HEATR5A: variants seen among roughly 807,000 people sequenced by gnomAD.
The protein encoded by HEATR5A is HEAT repeat-containing protein 5A.
Under a neutral mutation model 218.8 loss-of-function variants are expected in HEATR5A, and 178 were observed. That is an observed-to-expected ratio of 0.81 (90% CI 0.72 to 0.92). The LOEUF is 0.92. Ranked by LOEUF, HEATR5A falls within the 40% of genes least tolerant of loss-of-function variation. The probability of loss-of-function intolerance (pLI) is 0.00; values close to 1 mark genes in which losing one functional copy is unlikely to be tolerated. For missense variants in HEATR5A, 2,420 were observed against 2,418.9 expected, an observed-to-expected ratio of 1.00 and a Z score of -0.01; for synonymous variants, 864 against 871.6, an observed-to-expected ratio of 0.99 and a Z score of 0.15.
At chr14:31,327,505 G>A (rs898600923) in intron 22 of HEATR5A, among the ~76,000 whole-genome samples, 1 of 151,390 alleles carries the variant, frequency 6.6e-6, no homozygotes, top group African/African-American at 2.4e-5. Context: ...TGGCCAGGCT[G>A]GTCCCGAACT....
intron 22 of HEATR5A, among the ~76,000 whole-genome samples, chr14:31,329,455 G>GC (rs891005707): frequency 2.6e-5 from 4 of 152,162 alleles, no homozygotes; most frequent in African/African-American, 9.7e-5. Flanking sequence ...CAGTCCCCAC[G>GC]CAAGTCCAAA....
intron 35 of HEATR5A, 93 bp downstream of exon 35, chr14:31,293,796 TAC>T: frequency 1.8e-6 from 2 of 1,114,562 alleles, no homozygotes; most frequent in East Asian, 2.6e-5. Flanking sequence ...GAATGTGAAA[TAC>T]AGATATAATG....
intron 5 of HEATR5A, among the ~76,000 whole-genome samples, chr14:31,394,433 G>A (rs2030570306): frequency 2.0e-5 from 3 of 151,924 alleles, no homozygotes; most frequent in African/African-American, 7.3e-5. Flanking sequence ...AAGGTGGGAG[G>A]AGAACCCATT....
chr14:31,351,275 T>G (rs1233686529), intron 16 of HEATR5A, among the ~76,000 whole-genome samples: 4 of 152,154 alleles, frequency 2.6e-5, no homozygotes, highest in African/African-American at 7.2e-5. Flanking sequence ...GAAGACTGCT[T>G]GAAGCTAGGA....
At chr14:31,355,019 T>C (rs977233129) in intron 16 of HEATR5A, among the ~76,000 whole-genome samples, 2 of 152,150 alleles carry the variant, frequency 1.3e-5, no homozygotes, top group African/African-American at 4.8e-5. Context: ...ATCTTAAAAA[T>C]TTGCCTGGAT....
chr14:31,343,839 A>G, intron 21 of HEATR5A, 57 bp downstream of exon 21: 1 of 1,366,576 alleles, frequency 7.3e-7, no homozygotes, highest in African/African-American at 1.5e-5. Context: ...GTGTACTGGA[A>G]TAAATCTAAG....
chr14:31,323,777 G>T lies in HEATR5A; in HGVS notation c.3575C>A (p.Thr1192Lys). 1 of 1,596,832 alleles carries T rather than the reference G, an allele frequency of 6.3e-7. No individual in the cohort carries two copies. Among genetic ancestry groups the T allele is most frequent in the South Asian group, 1.1e-5 (1 of 90,686 alleles). ...TTTATCTCCTTCTTCTTCTTGCATT[G>T]TATCCACACAAGTTACAGCTGTAAA... Reference protein sequence around the residue: ...ADFTAVTCVDTMQEEEGDKGD... With the variant: ...ADFTAVTCVDKMQEEEGDKGD... The change falls in exon 24 of 36, where the codon ACA (threonine) becomes AAA (lysine). Residue 1192 changes from threonine (T) to lysine (K), a missense_variant. By Grantham distance (78) the Thr-to-Lys change is moderately conservative. Transcript: ENST00000543095.
At chr14:31,324,240 G>T (rs1900194290) in intron 23 of HEATR5A, among the ~76,000 whole-genome samples, 1 of 152,124 alleles carries the variant, frequency 6.6e-6, no homozygotes, top group Non-Finnish European at 1.5e-5. Context: ...ATTTCAGGAG[G>T]TTCCTGAATC....
chr14:31,378,469 C>T (rs954026051), intron 11 of HEATR5A, among the ~76,000 whole-genome samples: 1 of 152,118 alleles, frequency 6.6e-6, no homozygotes, highest in Non-Finnish European at 1.5e-5. Flanking sequence ...TTGATCTAGT[C>T]CAATAAATCT....
chr14:31,411,971 T>C (rs2031290014), intron 1 of HEATR5A, among the ~76,000 whole-genome samples: 1 of 152,102 alleles, frequency 6.6e-6, no homozygotes, highest in African/African-American at 2.4e-5. Context: ...TTCTCGTATC[T>C]CAGCCTCCCA....
Position 31,358,744 on chromosome 14 carries a change from A to G in HEATR5A, c.2304T>C (p.Asp768=), listed in dbSNP as rs1299265123. ...EYDPYSIYEK[D]VEGDSVPKPL... ...GCTTAGGCACTGAATCTCCCTCTAC[A>G]TCTTTCTCATAAATCGAATAAGGGT... is the stretch of plus-strand genomic sequence containing the variant. Residue 768 remains aspartate (D), a synonymous_variant, in exon 16 of 36, where the codon GAT becomes GAC. Coordinates refer to ENST00000543095, the MANE Select transcript of HEATR5A (RefSeq NM_015473.4). The G allele has an allele frequency of 6.8e-6, 11 of 1,613,838 alleles. No individual in the cohort carries two copies. The highest frequency in any genetic ancestry group is 9.3e-6 in the Non-Finnish European group (11 of 1,179,870).
chr14:31,377,269 A>G (rs1034775032), intron 11 of HEATR5A, among the ~76,000 whole-genome samples: 1 of 152,164 alleles, frequency 6.6e-6, no homozygotes, highest in African/African-American at 2.4e-5. Flanking sequence ...ATCAAAGAAT[A>G]CTAGGTTCAC....
intron 26 of HEATR5A, among the ~76,000 whole-genome samples, chr14:31,316,326 A>T (rs1595089535): frequency 2.7e-5 from 2 of 73,088 alleles, no homozygotes; most frequent in East Asian, 2.1e-4. Context: ...CCCATCTCTT[A>T]AAAAAAAAAA....
In HEATR5A at chr14:31,380,578, T is replaced by C; in HGVS notation, c.1597A>G (p.Ile533Val). 6.4e-7 allele frequency: 1 copy of C among 1,568,746 alleles called. No individual in the cohort carries two copies. The highest frequency in any genetic ancestry group is 8.7e-7 in the Non-Finnish European group (1 of 1,152,158). ...AAATCCTCTGCTAATGTCATAATAATCTATTTACATATAGAACAAGTTTTA... is the reference window on the plus strand; with the variant it reads ...AAATCCTCTGCTAATGTCATAATAACCTATTTACATATAGAACAAGTTTTA... ...PLGIPHGKGKIIMTLAEDLLC... is the reference protein window; with the variant it reads ...PLGIPHGKGKVIMTLAEDLLC... The change falls in exon 11 of 36, where the codon ATT becomes GTT. Residue 533 changes from isoleucine (I) to valine (V), a missense_variant and splice_region_variant. Ile to Val is a conservative substitution (Grantham distance 29, BLOSUM62 3). Transcript: ENST00000543095.
intron 9 of HEATR5A, 109 bp downstream of exon 9, chr14:31,386,311 T>G (rs2030218575): frequency 1.3e-6 from 1 of 757,596 alleles, no homozygotes; most frequent in Admixed American, 3.5e-5. Flanking sequence ...ATAAAACATT[T>G]CTCATAAATC....
chr14:31,374,862 C>T lies in HEATR5A; in HGVS notation c.1815G>A (p.Ser605=), dbSNP rs770599457. The T allele has an allele frequency of 2.1e-5, 34 of 1,613,640 alleles. 1 individual carries two copies. The highest frequency in any genetic ancestry group is 7.7e-5 in the South Asian group (7 of 91,034). The change falls in exon 12 of 36, where the codon TCG becomes TCA. Residue 605 remains serine (S), a synonymous_variant. Coordinates refer to ENST00000543095, the MANE Select transcript of HEATR5A (RefSeq NM_015473.4). ...DLETEKSRGD[S]FTWQVTLEGR... ...CTTCCAGGGTCACCTGCCATGTAAA[C>T]GAATCTCCTCGGCTCTTTTCTGTTT...
rs573939320 is a variant in HEATR5A, at chr14:31,343,664, A to G, written c.3228+232T>C. On this transcript the variant is annotated intron_variant, in intron 21 of 35. Coordinates refer to ENST00000543095, the MANE Select transcript of HEATR5A (RefSeq NM_015473.4). ...TGTTTTCATTGATTTATGAATAAAT[A>G]TTCCAAATATCAAGTACAACAATGG... Among the ~76,000 whole-genome samples, 412 of 152,320 alleles carry G rather than the reference A, an allele frequency of 2.7e-3. 4 individuals are homozygous for G. The highest frequency in any genetic ancestry group is 9.5e-3 in the African/African-American group (395 of 41,584).
At chr14:31,391,486 A>T (rs1412413804) in intron 6 of HEATR5A, among the ~76,000 whole-genome samples, 1 of 150,186 alleles carries the variant, frequency 6.7e-6, no homozygotes, top group Non-Finnish European at 1.5e-5. Context: ...AATTTTAAAA[A>T]TTAAAAAGTT....
Position 31,293,839 on chromosome 14 carries a change from T to TA in HEATR5A, c.5833+51dup. 2.1e-6 allele frequency: 3 copies of TA among 1,432,076 alleles called. No homozygotes were observed. In the South Asian group the frequency reaches 3.7e-5, roughly 18 times the overall value. 88.7% of individuals were successfully genotyped at this position (1,432,076 alleles called of 1,614,324 possible). A position where few individuals can be genotyped will look rare whatever the true frequency, so the allele number is the denominator to read the frequency against. Reference sequence around the variant, plus strand: ...GATTGTTTTGCAATTTAAATAACAGTAAAATTCTGATTTTTGTTGAGACTG... The same window carrying TA: ...GATTGTTTTGCAATTTAAATAACAGTAAAAATTCTGATTTTTGTTGAGACTG... On this transcript the variant is annotated intron_variant, in intron 35 of 35. Coordinates refer to ENST00000543095, the MANE Select transcript of HEATR5A (RefSeq NM_015473.4).
Sources: allele counts gnomAD v4.1 joint callset (sites outside exome capture counted in the v4.1 genomes callset), GRCh38; gene constraint gnomAD v4.1.1; transcripts MANE v1.5; gene names NCBI Gene and HGNC (gene_info 2026-07-23, HGNC 2026-07-21).